Variants in CUL3 observed in about 807,000 individuals in gnomAD.
CUL3 encodes cullin-3.
In CUL3, 19 loss-of-function variants were observed where a neutral mutation model predicts 89.1. The ratio of observed to expected loss-of-function variants is 0.21; its 90% confidence interval spans 0.15 to 0.31. CUL3 has a LOEUF of 0.31. Among genes scored for constraint, CUL3 ranks in the 10% least tolerant of loss-of-function variants. CUL3 has a pLI of 1.00. For synonymous variants in CUL3, 351 were observed against 308.4 expected, an observed-to-expected ratio of 1.14 and a Z score of -1.45; for missense variants, 469 against 942.3, an observed-to-expected ratio of 0.50 and a Z score of 6.58.
chr2:224,514,850 G>A (rs1432914057), intron 3 of CUL3, 78 bp from the exon 4 acceptor site: 3 of 1,048,138 alleles, frequency 2.9e-6, no homozygotes, highest in Admixed American at 5.0e-5. Flanking sequence ...AACAAATAAA[G>A]GAAATAAAAT....
chr2:224,533,363 T>G (rs1693762695), intron 3 of CUL3, among the ~76,000 whole-genome samples: 1 of 152,154 alleles, frequency 6.6e-6, no homozygotes, highest in African/African-American at 2.4e-5. Flanking sequence ...TACCCAATAT[T>G]ATTTTCATTT....
intron 12 of CUL3, 64 bp from the exon 13 acceptor site, chr2:224,496,030 T>C (rs772775153): frequency 5.0e-5 from 78 of 1,546,860 alleles, no homozygotes; most frequent in Non-Finnish European, 4.6e-5. Context: ...TTAATGTATG[T>C]ATGTACGTAC....
At chr2:224,510,291 T>C (rs888354517) in intron 6 of CUL3, among the ~76,000 whole-genome samples, 1 of 139,310 alleles carries the variant, frequency 7.2e-6, no homozygotes, top group African/African-American at 2.8e-5. Context: ...GCCTCTCTAG[T>C]TTTTTTTGTT....
intron 1 of CUL3, among the ~76,000 whole-genome samples, chr2:224,570,021 C>G (rs1695148108): frequency 7.2e-6 from 1 of 139,594 alleles, no homozygotes; most frequent in Non-Finnish European, 1.5e-5. Context: ...TTTTTTAAAT[C>G]TGATACAACT....
At chr2:224,568,108 T>C (rs1358204827) in intron 1 of CUL3, among the ~76,000 whole-genome samples, 1 of 152,218 alleles carries the variant, frequency 6.6e-6, no homozygotes, top group East Asian at 1.9e-4. Flanking sequence ...TCTGATTCTT[T>C]ACACATATCT....
intron 1 of CUL3, among the ~76,000 whole-genome samples, chr2:224,577,040 G>T (rs897693394): frequency 6.6e-6 from 1 of 152,182 alleles, no homozygotes; most frequent in Non-Finnish European, 1.5e-5. Flanking sequence ...AAAATGACAG[G>T]ATCGCTAAAA....
chr2:224,503,805 T>C lies in CUL3; in HGVS notation c.1224A>G (p.Val408=). 1.3e-6 allele frequency: 2 copies of C among 1,565,446 alleles called. No homozygotes were observed. Among genetic ancestry groups the C allele is most frequent in the Non-Finnish European group, 1.7e-6 (2 of 1,161,706 alleles). ...KGVKGLTEQE[V]ETILDKAMVL... ...CCATTGCTTTATCCAATATTGTTTC[T>C]ACTTCTTGTTCTGTTAGCTGCAAAA... The change falls in exon 9 of 16, where the codon GTA becomes GTG. Residue 408 remains valine, a synonymous_variant. Transcript: ENST00000264414.
Position 224,472,646 on chromosome 2 carries a change from A to G in CUL3, c.*1599T>C, listed in dbSNP as rs991655001. The G allele has an allele frequency of 1.0e-5, 2 of 190,584 alleles. No individual in the cohort carries two copies. The highest frequency in any genetic ancestry group is 4.7e-5 in the African/African-American group (2 of 42,910). 11.8% of individuals were successfully genotyped at this position (190,584 alleles called of 1,614,324 possible). ...GTAGAAGTGGAAAATGTAGAGATAA[A>G]GAGCACAAGGCTTGTAATTCTACAG... is the stretch of plus-strand genomic sequence containing the variant. On this transcript the variant is annotated 3_prime_UTR_variant, in exon 16 of 16. Transcript: ENST00000264414.
intron 12 of CUL3, among the ~76,000 whole-genome samples, 153 bp from the exon 13 acceptor site, chr2:224,496,119 C>T (rs2106180980): frequency 6.6e-6 from 1 of 152,304 alleles, no homozygotes; most frequent in South Asian, 2.1e-4. Flanking sequence ...CAGCCTCAAC[C>T]TCCTGGGCTC....
intron 1 of CUL3, among the ~76,000 whole-genome samples, chr2:224,574,326 T>C (rs1196330775): frequency 6.6e-6 from 1 of 152,152 alleles, no homozygotes; most frequent in Non-Finnish European, 1.5e-5. Context: ...TAAAACTGAA[T>C]TTAAAAAAAA....
intron 1 of CUL3, among the ~76,000 whole-genome samples, chr2:224,576,650 G>C (rs1002552128): frequency 7.7e-6 from 1 of 130,308 alleles, no homozygotes. Context: ...GCTTTGGACA[G>C]GGACCACAAC....
chr2:224,567,693 T>C (rs917485301), intron 1 of CUL3, among the ~76,000 whole-genome samples: 4 of 151,878 alleles, frequency 2.6e-5, no homozygotes, highest in African/African-American at 7.3e-5. Flanking sequence ...TAAGCCGAGA[T>C]TGTGCCACTG....
chr2:224,556,326 T>C (rs1158364039), intron 2 of CUL3: 1 of 152,104 alleles, frequency 6.6e-6, no homozygotes, highest in Non-Finnish European at 1.5e-5. Context: ...CGGACACCAA[T>C]GATCAAAGTT....
At chr2:224,483,977 C>T (rs1008897238) in intron 13 of CUL3, among the ~76,000 whole-genome samples, 2 of 152,078 alleles carry the variant, frequency 1.3e-5, no homozygotes, top group African/African-American at 4.8e-5. Flanking sequence ...ATCACTTGAG[C>T]CCAAGAATTC....
Position 224,582,116 on chromosome 2 carries a change from C to T in CUL3, c.66+2828G>A, listed in dbSNP as rs150707395. On this transcript the variant is annotated intron_variant, in intron 1 of 15. Coordinates refer to ENST00000264414, the MANE Select transcript of CUL3 (RefSeq NM_003590.5). Reference sequence around the variant, plus strand: ...AGTAGCTAGGTTTACAGGCATCCGCCACCACGCCCCGCTAATTTTTTGTAT... The same window carrying T: ...AGTAGCTAGGTTTACAGGCATCCGCTACCACGCCCCGCTAATTTTTTGTAT... 9.3e-4 allele frequency among the ~76,000 whole-genome samples: 141 copies of T among 152,230 alleles called. No homozygotes were observed. The East Asian group carries it at 0.024, about 26-fold the overall frequency.
At chr2:224,518,724 A>G (rs920093935) in intron 3 of CUL3, among the ~76,000 whole-genome samples, 5 of 152,186 alleles carry the variant, frequency 3.3e-5, no homozygotes, top group African/African-American at 4.8e-5. Flanking sequence ...TAAAACATTA[A>G]TATCATTTCC....
At chr2:224,483,701 T>C (rs1691614322) in intron 13 of CUL3, among the ~76,000 whole-genome samples, 1 of 152,182 alleles carries the variant, frequency 6.6e-6, no homozygotes, top group Non-Finnish European at 1.5e-5. Flanking sequence ...TCTATTAATT[T>C]CTTCAGATTT....
chr2:224,542,627 C>T (rs1017180017), intron 2 of CUL3, among the ~76,000 whole-genome samples: 3 of 152,068 alleles, frequency 2.0e-5, no homozygotes, highest in Non-Finnish European at 4.4e-5. Flanking sequence ...AAGCTGGTCT[C>T]GAAGTCCTGG....
At chr2:224,488,336 G>GT (rs1691820183) in intron 13 of CUL3, among the ~76,000 whole-genome samples, 11 of 151,952 alleles carry the variant, frequency 7.2e-5, no homozygotes, top group Admixed American at 5.9e-4. Context: ...CCAGGAACTG[G>GT]TTTTTTGAAA....
Sources: gnomAD v4.1 joint callset for allele counts (sites outside exome capture counted in the v4.1 genomes callset) on GRCh38, gnomAD v4.1.1 for gene constraint, MANE v1.5 for transcripts, NCBI Gene and HGNC (gene_info 2026-07-23, HGNC 2026-07-21) for gene names.